LRRC17: variants seen among roughly 807,000 people sequenced by gnomAD.
LRRC17 encodes the protein leucine rich repeat containing 17.
LRRC17 carries 33 observed loss-of-function variants against 41.5 expected under a neutral mutation model. The observed-to-expected ratio is 0.80, with a 90% CI of 0.60 to 1.06. The LOEUF (loss-of-function observed/expected upper bound fraction) is 1.06, where lower values mean the gene tolerates loss of function less well. Among genes scored for constraint, LRRC17 ranks in the 50% least tolerant of loss-of-function variants. LRRC17 has a pLI of 0.00. For missense variants in LRRC17, 491 were observed against 519.3 expected (o/e 0.95, Z 0.53); for synonymous variants, 192 against 197.0 (o/e 0.97, Z 0.21).
chr7:102,930,259 AGCT>A (rs2129472826), intron 1 of LRRC17, among the ~76,000 whole-genome samples: 1 of 152,266 alleles, frequency 6.6e-6, no homozygotes, highest in African/African-American at 2.4e-5. Context: ...TTCATGGTGG[AGCT>A]GGTGCCTCAT....
At chr7:102,943,322 T>C (rs1821820482) in intron 3 of LRRC17, among the ~76,000 whole-genome samples, 1 of 111,434 alleles carries the variant, frequency 9.0e-6, no homozygotes, top group Non-Finnish European at 1.8e-5. Flanking sequence ...CATCTTTTTT[T>C]CCCAAGTAAA....
At position 102,939,505 on chromosome 7, in the gene LRRC17, T is replaced by C. The variant is rs774593723; in HGVS notation, c.848T>C (p.Leu283Pro). 6.2e-7 allele frequency: 1 copy of C among 1,614,030 alleles called. No individual in the cohort carries two copies. Among genetic ancestry groups the C allele is most frequent in the South Asian group, 1.1e-5 (1 of 91,064 alleles). ...LDLSYNKINQLRPKEFEDVHE... is the reference protein window; with the variant it reads ...LDLSYNKINQPRPKEFEDVHE... ...TTGTCATACAATAAAATCAACCAAC[T>C]TCGACCCAAGGAATTTGAAGATGTT... The change falls in exon 3 of 4, where the codon CTT becomes CCT. Residue 283 changes from leucine (L) to proline (P), a missense_variant. Transcript: ENST00000339431.
intron 2 of LRRC17, among the ~76,000 whole-genome samples, chr7:102,938,228 C>T (rs1346928766): frequency 1.3e-5 from 2 of 152,128 alleles, no homozygotes; most frequent in Non-Finnish European, 2.9e-5. Context: ...AATAGTTTAC[C>T]ATTTTTAAGG....
chr7:102,935,242 CTTTTTTTTTTTT>C (rs71106700), intron 2 of LRRC17, among the ~76,000 whole-genome samples: 11 of 76,416 alleles, frequency 1.4e-4, no homozygotes, highest in African/African-American at 5.8e-4. Context: ...TTTTTTCTTT[CTTTTTTTTTTTT>C]TTTTTTTTTT....
chr7:102,921,665 G>A (rs370813365), intron 1 of LRRC17, among the ~76,000 whole-genome samples: 4 of 152,152 alleles, frequency 2.6e-5, no homozygotes, highest in East Asian at 3.9e-4. Flanking sequence ...GGGCGACAGA[G>A]CAAGATTCCA....
chr7:102,931,814 A>C, intron 1 of LRRC17: 1 of 1,445,752 alleles, frequency 6.9e-7, no homozygotes, highest in Non-Finnish European at 9.7e-7. Flanking sequence ...TCTATTCTGC[A>C]TATTGGCACC....
At position 102,934,385 on chromosome 7, in the gene LRRC17, C is replaced by T. The variant is rs1819862760; in HGVS notation, c.472C>T (p.Leu158=). 1 of 1,614,052 alleles carries T rather than the reference C, an allele frequency of 6.2e-7. No homozygotes were observed. Among genetic ancestry groups the T allele is most frequent in the Non-Finnish European group, 8.5e-7 (1 of 1,180,038 alleles). The change falls in exon 2 of 4, where the codon CTG becomes TTG. Residue 158 remains leucine, a synonymous_variant. Transcript: ENST00000339431. ...CATTTACACACCTCTCTTGAGCTACCTGCGTCTTTATGACAACCCCTGGCA... is the reference window on the plus strand; with the variant it reads ...CATTTACACACCTCTCTTGAGCTACTTGCGTCTTTATGACAACCCCTGGCA... ...VFIYTPLLSY[L]RLYDNPWHCT...
chr7:102,914,001 C>T (rs1312509703), intron 1 of LRRC17, among the ~76,000 whole-genome samples: 2 of 152,156 alleles, frequency 1.3e-5, no homozygotes, highest in African/African-American at 2.4e-5. Context: ...TGAGCCTGTA[C>T]TACCATACGA....
chr7:102,913,227 A>G (rs1815115803), intron 1 of LRRC17, 82 bp downstream of exon 1: 1 of 1,614,096 alleles, frequency 6.2e-7, no homozygotes, highest in East Asian at 2.2e-5. Context: ...TGAAAAGACA[A>G]AAGAGAGGAA....
At chr7:102,943,310 A>G (rs1821815082) in intron 3 of LRRC17, among the ~76,000 whole-genome samples, 1 of 145,758 alleles carries the variant, frequency 6.9e-6, no homozygotes, top group African/African-American at 2.5e-5. Context: ...TCTTTTTTGT[A>G]GCATCTTTTT....
chr7:102,919,193 T>C (rs1405620211), intron 1 of LRRC17, among the ~76,000 whole-genome samples: 1 of 152,190 alleles, frequency 6.6e-6, no homozygotes, highest in Non-Finnish European at 1.5e-5. Context: ...ACACTAGGAA[T>C]TGGTGCTTCT....
chr7:102,922,526 A>G (rs189277083), intron 1 of LRRC17, among the ~76,000 whole-genome samples: 31 of 152,326 alleles, frequency 2.0e-4, no homozygotes, highest in Admixed American at 2.0e-3. Context: ...TTTTGCGGAT[A>G]TAAAGGATGT....
chr7:102,926,738 C>A (rs1172811971), intron 1 of LRRC17, among the ~76,000 whole-genome samples: 1 of 152,162 alleles, frequency 6.6e-6, no homozygotes, highest in Admixed American at 6.6e-5. Context: ...AAAAACTGAT[C>A]CATTTTAAAC....
intron 1 of LRRC17, among the ~76,000 whole-genome samples, chr7:102,929,712 A>G (rs939672709): frequency 2.0e-5 from 3 of 151,968 alleles, no homozygotes; most frequent in African/African-American, 7.2e-5. Flanking sequence ...TAACTGTCAA[A>G]AAGTGAACAG....
intron 1 of LRRC17, among the ~76,000 whole-genome samples, chr7:102,925,173 C>A (rs117493199): frequency 1.1e-3 from 172 of 152,276 alleles, no homozygotes; most frequent in Non-Finnish European, 1.7e-3. Flanking sequence ...GTGGGCAGAT[C>A]ATTTGAGCCC....
At chr7:102,918,800 T>C (rs1816413138) in intron 1 of LRRC17, among the ~76,000 whole-genome samples, 1 of 152,202 alleles carries the variant, frequency 6.6e-6, no homozygotes, top group South Asian at 2.1e-4. Context: ...TCCCAAATCA[T>C]CTACTTTGTA....
chr7:102,920,219 A>G (rs1225302035), intron 1 of LRRC17, among the ~76,000 whole-genome samples: 1 of 152,244 alleles, frequency 6.6e-6, no homozygotes, highest in Non-Finnish European at 1.5e-5. Flanking sequence ...ACTAATTAGA[A>G]TACACAACAG....
At chr7:102,930,480 C>T (rs1297835523) in intron 1 of LRRC17, among the ~76,000 whole-genome samples, 3 of 152,222 alleles carry the variant, frequency 2.0e-5, no homozygotes, top group Non-Finnish European at 4.4e-5. Context: ...CTCTTCTCCA[C>T]TTCACAATTC....
rs558119295 is a variant in LRRC17 at position 102,936,733 on chromosome 7, AG to A, written c.772+2049del. Among the ~76,000 whole-genome samples the A allele has an allele frequency of 9.8e-5, 15 of 152,350 alleles. No homozygotes were observed. The East Asian group carries it at 2.7e-3, about 27-fold the overall frequency. On this transcript the variant is annotated intron_variant, in intron 2 of 3. Coordinates refer to ENST00000339431, the MANE Select transcript of LRRC17 (RefSeq NM_001031692.3). ...TGCTGTATCAGGTGTAAATGAGAAA[AG>A]TAAATAGTATTAAGTTTATTAATTA...
Sources: gnomAD v4.1 joint callset for allele counts (sites outside exome capture counted in the v4.1 genomes callset) on GRCh38, gnomAD v4.1.1 for gene constraint, MANE v1.5 for transcripts, NCBI Gene and HGNC (gene_info 2026-07-23, HGNC 2026-07-21) for gene names.